Variants in JMJD1C observed in about 807,000 individuals in gnomAD.
JMJD1C encodes the protein jumonji domain containing 1C, also known as jumonji domain-containing protein 1C.
Under a neutral mutation model 245.3 loss-of-function variants are expected in JMJD1C, and 31 were observed. The ratio of observed to expected loss-of-function variants is 0.13; its 90% CI spans 0.09 to 0.17. The LOEUF (loss-of-function observed/expected upper bound fraction) is 0.17, where lower values mean the gene tolerates loss of function less well. Among genes scored for constraint, JMJD1C ranks in the 10% least tolerant of loss-of-function variants. JMJD1C has a pLI of 1.00. For missense variants in JMJD1C, 2,691 were observed against 3,000.2 expected (o/e 0.90, Z 2.41); for synonymous variants, 1,057 against 1,017.4 (o/e 1.04, Z -0.74).
chr10:63,304,483 TTAAAAA>T (rs1426617426), intron 2 of JMJD1C, among the ~76,000 whole-genome samples: 4 of 152,254 alleles, frequency 2.6e-5, no homozygotes, highest in South Asian at 2.1e-4. Context: ...GGAAAAGGAC[TTAAAAA>T]GAAATAAAAG....
intron 2 of JMJD1C, among the ~76,000 whole-genome samples, chr10:63,297,719 A>C (rs1859614318): frequency 6.6e-6 from 1 of 152,138 alleles, no homozygotes; most frequent in Admixed American, 6.5e-5. Flanking sequence ...TGGGATGGGA[A>C]AAAGCAACAG....
chr10:63,251,186 T>C (rs1853019778), intron 3 of JMJD1C, among the ~76,000 whole-genome samples: 2 of 152,212 alleles, frequency 1.3e-5, no homozygotes. Flanking sequence ...TTATACAGAA[T>C]TCAACATTTA....
chr10:63,507,340 C>A (rs1038483689), intron 1 of JMJD1C, among the ~76,000 whole-genome samples: 1 of 151,986 alleles, frequency 6.6e-6, no homozygotes, highest in Admixed American at 6.6e-5. Flanking sequence ...ACTGCCAAAC[C>A]GTCTTTAAAA....
intron 6 of JMJD1C, 31 bp downstream of exon 6, chr10:63,215,522 T>C (rs773596380): frequency 3.1e-6 from 5 of 1,607,586 alleles, no homozygotes; most frequent in African/African-American, 1.3e-5. Flanking sequence ...AAAAATATTT[T>C]ACAGAAATTC....
chr10:63,276,240 G>A (rs1050033301), intron 2 of JMJD1C, among the ~76,000 whole-genome samples: 1 of 152,056 alleles, frequency 6.6e-6, no homozygotes, highest in Non-Finnish European at 1.5e-5. Flanking sequence ...GCCGAGGCGG[G>A]CAGATCACAA....
At chr10:63,275,125 A>T (rs1856663399) in intron 2 of JMJD1C, among the ~76,000 whole-genome samples, 1 of 152,200 alleles carries the variant, frequency 6.6e-6, no homozygotes, top group Non-Finnish European at 1.5e-5. Context: ...AAAAATGGAC[A>T]CTCGAGTCTA....
intron 2 of JMJD1C, among the ~76,000 whole-genome samples, chr10:63,293,359 G>A (rs1254114401): frequency 6.6e-6 from 1 of 152,048 alleles, no homozygotes; most frequent in Non-Finnish European, 1.5e-5. Context: ...TGCTCTCACA[G>A]AGCTTTTATT....
chr10:63,305,377 C>CAAAAA (rs200146505), intron 2 of JMJD1C, among the ~76,000 whole-genome samples: 1 of 109,624 alleles, frequency 9.1e-6, no homozygotes, highest in African/African-American at 3.1e-5. Context: ...AAAAAAAAAA[C>CAAAAA]AAAAAACAAA....
intron 2 of JMJD1C, among the ~76,000 whole-genome samples, chr10:63,359,887 T>C (rs6479895): frequency 0.14 from 20,662 of 152,088 alleles, 3,243 homozygotes; most frequent in African/African-American, 0.39. Flanking sequence ...ATTAAAAAGA[T>C]TGGATCTGCA....
Position 63,475,697 on chromosome 10 carries a change from C to T in JMJD1C, n.113+46041G>A, listed in dbSNP as rs533072320. Reference sequence around the variant, plus strand: ...CTACCACCACAAAGCTAAACAGCATCCAAGGCCCCATGCCCACCACAACAA... The same window carrying T: ...CTACCACCACAAAGCTAAACAGCATTCAAGGCCCCATGCCCACCACAACAA... On this transcript the variant is annotated intron_variant and non_coding_transcript_variant, in intron 1 of 3. Coordinates refer to the JMJD1C transcript ENST00000633035. Among the ~76,000 whole-genome samples the T allele has an allele frequency of 2.0e-5, 3 of 152,278 alleles. No individual in the cohort carries two copies. The South Asian group carries it at 6.2e-4, about 32-fold the overall frequency.
intron 2 of JMJD1C, among the ~76,000 whole-genome samples, chr10:63,308,119 C>T (rs1040644192): frequency 6.6e-6 from 1 of 152,022 alleles, no homozygotes; most frequent in Non-Finnish European, 1.5e-5. Context: ...CCACTGCACT[C>T]CAGCCTGGAC....
At chr10:63,176,941 G>A (rs1842916065) in intron 23 of JMJD1C, 1 of 152,594 alleles carries the variant, frequency 6.6e-6, no homozygotes, top group Non-Finnish European at 1.5e-5. Flanking sequence ...AATTTCAAGG[G>A]ACTCTTTAAT....
chr10:63,202,929 C>CTTTTTATTATATGCCTTT (rs1846187435), intron 10 of JMJD1C: 77 of 980,648 alleles, frequency 7.9e-5, no homozygotes, highest in Non-Finnish European at 9.2e-5. Context: ...CAGTCTATTT[C>CTTTTTATTATATGCCTTT]TTTTTATTAT....
chr10:63,177,452 A>G (rs1842963363), intron 23 of JMJD1C: 2 of 402,742 alleles, frequency 5.0e-6, no homozygotes, highest in Non-Finnish European at 8.9e-6. Flanking sequence ...TATCTGGCTC[A>G]AGAACAGATC....
intron 10 of JMJD1C, chr10:63,204,046 TG>T (rs1846320781): frequency 1.1e-6 from 1 of 921,248 alleles, no homozygotes; most frequent in Admixed American, 6.2e-5. Context: ...GCCCAGGAGT[TG>T]GAGGCTGCTG....
chr10:63,187,640 T>C (rs1447543261), intron 18 of JMJD1C, among the ~76,000 whole-genome samples: 1 of 152,182 alleles, frequency 6.6e-6, no homozygotes, highest in African/African-American at 2.4e-5. Flanking sequence ...TCTCACTATG[T>C]TGCCCAGGCT....
intron 3 of JMJD1C, among the ~76,000 whole-genome samples, chr10:63,234,751 A>G (rs896436056): frequency 4.1e-5 from 6 of 146,850 alleles, no homozygotes; most frequent in African/African-American, 1.5e-4. Context: ...TAGGAAACAT[A>G]GTGAGACCCT....
chr10:63,405,120 C>T (rs1350224779), intron 1 of JMJD1C, among the ~76,000 whole-genome samples: 1 of 152,086 alleles, frequency 6.6e-6, no homozygotes, highest in Non-Finnish European at 1.5e-5. Flanking sequence ...GAAGTTTATA[C>T]AACACATGTA....
intron 3 of JMJD1C, among the ~76,000 whole-genome samples, chr10:63,224,489 G>A (rs1440759733): frequency 1.3e-5 from 2 of 152,164 alleles, no homozygotes; most frequent in Non-Finnish European, 2.9e-5. Flanking sequence ...TACTTTGTAA[G>A]TTACAGGGAT....
Sources: gnomAD v4.1 joint callset for allele counts (sites outside exome capture counted in the v4.1 genomes callset) on GRCh38, gnomAD v4.1.1 for gene constraint, MANE v1.5 for transcripts, NCBI Gene and HGNC (gene_info 2026-07-23, HGNC 2026-07-21) for gene names.